AHCTF1: variants seen among roughly 807,000 people sequenced by gnomAD.
AHCTF1 encodes the protein protein ELYS.
In AHCTF1, 24 loss-of-function variants were observed where a neutral mutation model predicts 248.4. The ratio of observed to expected loss-of-function variants is 0.10; its 90% CI spans 0.07 to 0.14. The LOEUF (loss-of-function observed/expected upper bound fraction) is 0.14, where lower values mean the gene tolerates loss of function less well. Among genes scored for constraint, AHCTF1 ranks in the 10% least tolerant of loss-of-function variants. The pLI, the probability that AHCTF1 is intolerant of heterozygous loss-of-function variation, is 1.00. For synonymous variants in AHCTF1, 786 were observed against 929.8 expected (o/e 0.85, Z 2.81); for missense variants, 2,206 against 2,636.2 (o/e 0.84, Z 3.57).
intron 33 of AHCTF1, among the ~76,000 whole-genome samples, chr1:246,847,332 A>G (rs916481984): frequency 2.6e-5 from 4 of 151,970 alleles, no homozygotes; most frequent in African/African-American, 9.7e-5. Flanking sequence ...AATGCTCATG[A>G]CATAAGTAGG....
chr1:246,867,273 T>G lies in AHCTF1; in HGVS notation c.3318A>C (p.Pro1106=), dbSNP rs371700285. The G allele has an allele frequency of 6.2e-6, 10 of 1,601,444 alleles. No homozygotes were observed. The highest frequency in any genetic ancestry group is 8.5e-6 in the Non-Finnish European group (10 of 1,173,102). The change falls in exon 26 of 36, where the codon CCA becomes CCC. Residue 1106 remains proline, a synonymous_variant. Transcript: ENST00000648844. ...AAATTTTTTGTGATGCTTTTGAAAT[T>G]GGTGTTCCAAAAAATGCCTCAGGCA... ...PELPEAFFGT[P]ISKASQKISR...
Position 246,840,795 on chromosome 1 carries a change from T to C in AHCTF1, c.*11A>G, listed in dbSNP as rs777440135. ...TTACAAATAGGTGTACATTAAAATC[T>C]TCCCAAGAAATTACAGCATTTTTCT... On this transcript the variant is annotated 3_prime_UTR_variant, in exon 36 of 36. Transcript: ENST00000648844. 18 of 1,592,162 alleles carry C rather than the reference T, an allele frequency of 1.1e-5. No individual in the cohort carries two copies. Among genetic ancestry groups the C allele is most frequent in the Non-Finnish European group, 1.5e-5 (17 of 1,171,336 alleles).
At position 246,876,087 on chromosome 1, in the gene AHCTF1, A is replaced by T. The variant is rs369213429; in HGVS notation, c.3038T>A (p.Ile1013Asn). ...CAGATGATAAGGCTTAGCTCGTTCA[A>T]TGGCTAATTTTCGATGGACTCTAGG... ...ILPRVHRKLA[I>N]ERAKPYHLST... Residue 1013 changes from isoleucine (I) to asparagine (N), a missense_variant, in exon 24 of 36, where the codon ATT (isoleucine) becomes AAT (asparagine). Transcript: ENST00000648844. The T allele has an allele frequency of 2.5e-6, 4 of 1,609,330 alleles. No homozygotes were observed. The highest frequency in any genetic ancestry group is 3.4e-6 in the Non-Finnish European group (4 of 1,178,282).
At chr1:246,896,533 A>T (rs566351542) in intron 12 of AHCTF1, among the ~76,000 whole-genome samples, 1 of 152,308 alleles carries the variant, frequency 6.6e-6, no homozygotes, top group East Asian at 1.9e-4. Flanking sequence ...TAGATTAGTC[A>T]TTATGTAAGG....
intron 20 of AHCTF1, among the ~76,000 whole-genome samples, chr1:246,886,668 G>T (rs1663840256): frequency 6.6e-6 from 1 of 152,080 alleles, no homozygotes; most frequent in Non-Finnish European, 1.5e-5. Context: ...AGGGCCGATG[G>T]TATACAAGAG....
chr1:246,917,397 T>G (rs922762208), intron 2 of AHCTF1, among the ~76,000 whole-genome samples: 3 of 152,174 alleles, frequency 2.0e-5, no homozygotes, highest in African/African-American at 7.2e-5. Context: ...TATGTAAGTT[T>G]ATAGCTAAGG....
At chr1:246,888,573 G>A (rs1663992938) in intron 17 of AHCTF1, 56 bp from the exon 18 acceptor site, 2 of 1,573,538 alleles carry the variant, frequency 1.3e-6, no homozygotes, top group Non-Finnish European at 1.7e-6. Context: ...TAATATCAAA[G>A]CAACCAGCAT....
At chr1:246,862,249 G>C (rs1473191404) in intron 27 of AHCTF1, 96 bp from the exon 28 acceptor site, 1 of 799,114 alleles carries the variant, frequency 1.3e-6, no homozygotes, top group Non-Finnish European at 1.9e-6. Context: ...GGGAGGCAGA[G>C]GCAGGCGGAT....
chr1:246,851,495 A>G (rs1442406174), intron 32 of AHCTF1, 53 bp from the exon 33 acceptor site: 1 of 1,479,514 alleles, frequency 6.8e-7, no homozygotes, highest in Non-Finnish European at 9.0e-7. Flanking sequence ...ACATGTTTTA[A>G]CTTGAAGCAC....
At chr1:246,898,946 G>T (rs1240638910) in intron 11 of AHCTF1, among the ~76,000 whole-genome samples, 2 of 152,080 alleles carry the variant, frequency 1.3e-5, no homozygotes, top group African/African-American at 2.4e-5. Flanking sequence ...AATATTAGCC[G>T]GGCGTGGTGG....
chr1:246,899,754 CA>C (rs958023372), intron 10 of AHCTF1, among the ~76,000 whole-genome samples: 1 of 151,204 alleles, frequency 6.6e-6, no homozygotes, highest in Non-Finnish European at 1.5e-5. Context: ...AGAAACACAG[CA>C]AAAAAAATAA....
intron 21 of AHCTF1, among the ~76,000 whole-genome samples, chr1:246,883,094 C>T (rs895840642): frequency 1.3e-5 from 2 of 152,144 alleles, no homozygotes; most frequent in African/African-American, 4.8e-5. Context: ...ATTAATAGTT[C>T]AAAACAGGGC....
At chr1:246,897,921 G>A (rs12037780) in intron 12 of AHCTF1, among the ~76,000 whole-genome samples, 22,957 of 92,674 alleles carry the variant, frequency 0.25, 2,315 homozygotes, top group East Asian at 0.42. Flanking sequence ...TGAGGCTACA[G>A]TGAGCCATGA....
intron 6 of AHCTF1, 92 bp from the exon 7 acceptor site, chr1:246,904,125 A>T: frequency 9.5e-7 from 1 of 1,056,432 alleles, no homozygotes; most frequent in Non-Finnish European, 1.4e-6. Context: ...TGCAATGTTG[A>T]GTGCATGTGA....
intron 15 of AHCTF1, 105 bp from the exon 16 acceptor site, chr1:246,891,165 AT>A: frequency 1.6e-6 from 1 of 623,182 alleles, no homozygotes; most frequent in Non-Finnish European, 2.7e-6. Context: ...GTAAATATAT[AT>A]TTTACATATA....
At chr1:246,930,713 A>C (rs576634025) in intron 1 of AHCTF1, among the ~76,000 whole-genome samples, 1 of 152,264 alleles carries the variant, frequency 6.6e-6, no homozygotes, top group African/African-American at 2.4e-5. Flanking sequence ...GCGCCCAGCC[A>C]AAGACAGTTC....
rs770582467 is a variant in AHCTF1, at chr1:246,885,590, C to T, written c.2563G>A (p.Glu855Lys). 65 of 1,612,100 alleles carry T rather than the reference C, an allele frequency of 4.0e-5. No homozygotes were observed. The highest frequency in any genetic ancestry group is 4.2e-5 in the Non-Finnish European group (50 of 1,178,746). Residue 855 changes from glutamate to lysine, a missense_variant, in exon 21 of 36, where the codon GAG becomes AAG. Glu to Lys is a moderately conservative substitution (Grantham distance 56, BLOSUM62 1). This residue lies in a region of AHCTF1 where 650 missense variants were observed against 870.8 expected (regional missense o/e 0.75). Transcript: ENST00000648844. ...KIIQAFMSQGEHRQALRYIQT... is the reference protein window; with the variant it reads ...KIIQAFMSQGKHRQALRYIQT... ...ATATATCTGAGGGCTTGTCTGTGCT[C>T]GCCCTGACTCATGAATGCCTGAATA...
chr1:246,849,825 A>G lies in AHCTF1; in HGVS notation c.6181T>C (p.Leu2061=), dbSNP rs1342408716. ...KTESQSQKRS[L]HSVSEERTDE... is the part of the protein sequence containing the mutation. Reference sequence around the variant, plus strand: ...GTGCGTTCTTCTGATACTGAGTGCAATGAACGTTTTTGGCTTTGACTTTCA... The same window carrying G: ...GTGCGTTCTTCTGATACTGAGTGCAGTGAACGTTTTTGGCTTTGACTTTCA... Residue 2061 remains leucine (L), a synonymous_variant, in exon 33 of 36, where the codon TTG becomes CTG. Transcript: ENST00000648844. 5.6e-6 allele frequency: 9 copies of G among 1,613,926 alleles called. No homozygotes were observed. The highest frequency in any genetic ancestry group is 1.7e-4 in the Middle Eastern group (1 of 6,056).
intron 21 of AHCTF1, among the ~76,000 whole-genome samples, chr1:246,881,184 G>T (rs935928181): frequency 3.3e-5 from 5 of 152,178 alleles, no homozygotes; most frequent in African/African-American, 1.2e-4. Context: ...AAGGTTATTT[G>T]TGTGCCTACA....
Sources: allele counts gnomAD v4.1 joint callset (sites outside exome capture counted in the v4.1 genomes callset), GRCh38; gene constraint gnomAD v4.1.1; regional missense constraint gnomAD v4.1.1; transcripts MANE v1.5; gene names NCBI Gene and HGNC (gene_info 2026-07-23, HGNC 2026-07-21).